The following FMO2 variants were observed in gnomAD, a reference collection of about 807,000 sequenced individuals.
The protein encoded by FMO2 is flavin containing dimethylaniline monoxygenase 2.
Under a neutral mutation model 41.6 loss-of-function variants are expected in FMO2, and 33 were observed. The ratio of observed to expected loss-of-function variants is 0.79; its 90% confidence interval spans 0.60 to 1.06. The LOEUF is 1.06. Among genes scored for constraint, FMO2 ranks in the 50% least tolerant of loss-of-function variants. The pLI, the probability that FMO2 is intolerant of heterozygous loss-of-function variation, is 0.00. For synonymous variants in FMO2, 214 were observed against 219.6 expected (o/e 0.97, Z 0.23); for missense variants, 619 against 632.9 (o/e 0.98, Z 0.23).
At position 171,189,659 on chromosome 1, in the gene FMO2, C is replaced by CTTTTTTT. The variant is rs397827245; in HGVS notation, c.133-3665_133-3659dup. ...AATCTGAGCCCGTCTTTTTTCTTTT[C>CTTTTTTT]TTTTTTTTTTTTTTTTTGAGATGGA... On this transcript the variant is annotated intron_variant, in intron 2 of 8. Coordinates refer to ENST00000209929, the MANE Select transcript of FMO2 (RefSeq NM_001460.5). Among the ~76,000 whole-genome samples, 32 of 121,474 alleles carry CTTTTTTT rather than the reference C, an allele frequency of 2.6e-4. 1 individual carries two copies. Among genetic ancestry groups the CTTTTTTT allele is most frequent in the Non-Finnish European group, 3.8e-4 (22 of 57,906 alleles). 79.7% of individuals were successfully genotyped at this position (121,474 alleles called of 152,430 possible). A position where few individuals can be genotyped will look rare whatever the true frequency, so the allele number is the denominator to read the frequency against.
intron 2 of FMO2, among the ~76,000 whole-genome samples, chr1:171,192,962 G>T (rs1278103397): frequency 6.6e-6 from 1 of 152,080 alleles, no homozygotes; most frequent in Non-Finnish European, 1.5e-5. Context: ...TTCTAAAGAG[G>T]TAGTGGGTAT....
At position 171,209,305 on chromosome 1, in the gene FMO2, G is replaced by T; in HGVS notation, c.*160G>T. ...AATTGTAAAGAATTAGCAGAATTAG[G>T]CATATGTACAAAACCAAAATTTTGT... On this transcript the variant is annotated 3_prime_UTR_variant, in exon 9 of 9. Coordinates refer to ENST00000209929, the MANE Select transcript of FMO2 (RefSeq NM_001460.5). 2.5e-6 allele frequency: 1 copy of T among 396,114 alleles called. No homozygotes were observed. The highest frequency in any genetic ancestry group is 4.4e-6 in the Non-Finnish European group (1 of 225,172). 24.5% of individuals were successfully genotyped at this position (396,114 alleles called of 1,614,324 possible).
rs750939519 is a variant in FMO2 at position 171,193,388 on chromosome 1, C to G, written c.186C>G (p.Thr62=). 21 of 1,612,056 alleles carry G rather than the reference C, an allele frequency of 1.3e-5. No individual in the cohort carries two copies. The highest frequency in any genetic ancestry group is 1.6e-5 in the Non-Finnish European group (19 of 1,179,070). ...ASIYQSVVTN[T]SKEMSCFSDF... is the part of the protein sequence containing the mutation. ...TCTATCAATCTGTCGTTACCAACAC[C>G]AGCAAAGAAATGTCCTGTTTCAGTG... The change falls in exon 3 of 9, where the codon ACC becomes ACG. Residue 62 remains threonine (T), a synonymous_variant. Coordinates refer to ENST00000209929, the MANE Select transcript of FMO2 (RefSeq NM_001460.5).
At chr1:171,195,618 T>C (rs1002918070) in intron 3 of FMO2, among the ~76,000 whole-genome samples, 11 of 152,158 alleles carry the variant, frequency 7.2e-5, no homozygotes, top group Non-Finnish European at 1.5e-4. Flanking sequence ...AACCCAGCAG[T>C]TGGAAAAATA....
At chr1:171,201,408 A>G (rs575099038) in intron 5 of FMO2, among the ~76,000 whole-genome samples, 3 of 152,314 alleles carry the variant, frequency 2.0e-5, no homozygotes, top group East Asian at 3.9e-4. Flanking sequence ...TATAACTATG[A>G]TAAAACCTCT....
chr1:171,200,404 T>C (rs1377318472), intron 5 of FMO2, among the ~76,000 whole-genome samples: 1 of 152,120 alleles, frequency 6.6e-6, no homozygotes, highest in East Asian at 1.9e-4. Context: ...TTTCCCAAAG[T>C]ATTCCCTCTC....
chr1:171,189,659 C>CTTTTTTTTTTTTTTTTTTT (rs397827245), intron 2 of FMO2, among the ~76,000 whole-genome samples: 5 of 121,472 alleles, frequency 4.1e-5, no homozygotes, highest in South Asian at 5.6e-4. Flanking sequence ...TTTTTCTTTT[C>CTTTTTTTTTTTTTTTTTTT]TTTTTTTTTT....
chr1:171,190,212 T>C (rs1185553684), intron 2 of FMO2, among the ~76,000 whole-genome samples: 2 of 152,224 alleles, frequency 1.3e-5, no homozygotes, highest in African/African-American at 4.8e-5. Flanking sequence ...ACAACCTTTT[T>C]ATTGTCATGA....
chr1:171,207,980 T>A (rs2075989), intron 8 of FMO2, among the ~76,000 whole-genome samples, 190 bp downstream of exon 8: 1 of 152,120 alleles, frequency 6.6e-6, no homozygotes, highest in Non-Finnish European at 1.5e-5. Context: ...GCGATTCTTA[T>A]ACATACTAGG....
chr1:171,193,206 C>G, intron 2 of FMO2, 129 bp from the exon 3 acceptor site: 1 of 634,980 alleles, frequency 1.6e-6, no homozygotes, highest in Non-Finnish European at 2.7e-6. Flanking sequence ...CATTCATTAC[C>G]TAAACATTGT....
chr1:171,197,010 T>C (rs1658335817), intron 4 of FMO2, among the ~76,000 whole-genome samples, 199 bp downstream of exon 4: 1 of 152,208 alleles, frequency 6.6e-6, no homozygotes, highest in Admixed American at 6.5e-5. Flanking sequence ...CACATAGATC[T>C]CAGAGCCAAC....
At chr1:171,195,405 C>T (rs4916182) in intron 3 of FMO2, among the ~76,000 whole-genome samples, 78,326 of 152,018 alleles carry the variant, frequency 0.52, 21,387 homozygotes, top group African/African-American at 0.68. Flanking sequence ...TCTGACAAGC[C>T]TCCAAGTGAT....
At position 171,196,751 on chromosome 1, in the gene FMO2, G is replaced by A. The variant is rs200697365; in HGVS notation, c.424G>A (p.Ala142Thr). 3.9e-4 allele frequency: 635 copies of A among 1,613,630 alleles called. 4 individuals are homozygous for A. The South Asian group carries it at 5.5e-3, about 14-fold the overall frequency. Reference protein sequence around the residue: ...NGKEQSAVFDAVMVCSGHHIL... With the variant: ...NGKEQSAVFDTVMVCSGHHIL... The stretch of plus-strand genomic sequence containing the variant: ...CAAGGAGCAGAGTGCTGTCTTTGAC[G>A]CAGTTATGGTTTGCAGTGGCCACCA... Residue 142 changes from alanine to threonine, a missense_variant, in exon 4 of 9, where the codon GCA (alanine) becomes ACA (threonine). Ala to Thr is a moderately conservative substitution (Grantham distance 58). Coordinates refer to ENST00000209929, the MANE Select transcript of FMO2 (RefSeq NM_001460.5).
At chr1:171,193,778 T>C (rs1296813858) in intron 3 of FMO2, among the ~76,000 whole-genome samples, 2 of 122,676 alleles carry the variant, frequency 1.6e-5, no homozygotes, top group Non-Finnish European at 3.3e-5. Flanking sequence ...TGTCAAAACT[T>C]TTTTTTTTTT....
In FMO2 at chr1:171,196,950, A is replaced by G; in HGVS notation, c.484+139A>G. 4.4e-6 allele frequency: 3 copies of G among 676,638 alleles called. No individual in the cohort carries two copies. In the South Asian group the frequency reaches 6.0e-5, roughly 14 times the overall value. The allele number at this position is 676,638 out of a possible 1,614,324, so 41.9% of individuals were successfully genotyped here. A position where few individuals can be genotyped will look rare whatever the true frequency, so the allele number is the denominator to read the frequency against. ...AGATTGAGACAGAGCTAGAAAGATG[A>G]AAGACACCAAACATCATCTTTGTTT... On this transcript the variant is annotated intron_variant, in intron 4 of 8. Transcript: ENST00000209929.
chr1:171,193,415 C>G lies in FMO2; in HGVS notation c.213C>G (p.Asp71Glu), dbSNP rs1658166087. 6.2e-7 allele frequency: 1 copy of G among 1,611,674 alleles called. No individual in the cohort carries two copies. Among genetic ancestry groups the G allele is most frequent in the Admixed American group, 1.7e-5 (1 of 60,006 alleles). ...NTSKEMSCFS[D>E]FPMPEDFPNF... is the part of the protein sequence containing the mutation. ...GCAAAGAAATGTCCTGTTTCAGTGACTTTCCAATGCCTGAAGATTTTCCAA... is the reference window on the plus strand; with the variant it reads ...GCAAAGAAATGTCCTGTTTCAGTGAGTTTCCAATGCCTGAAGATTTTCCAA... The change falls in exon 3 of 9, where the codon GAC (aspartate) becomes GAG (glutamate). Residue 71 changes from aspartate to glutamate, a missense_variant. Physicochemically the swap from Asp to Glu is conservative, Grantham distance 45 (BLOSUM62 2). Coordinates refer to ENST00000209929, the MANE Select transcript of FMO2 (RefSeq NM_001460.5).
At position 171,211,138 on chromosome 1, in the gene FMO2, C is replaced by A. The variant is rs140167490; in HGVS notation, c.*1993C>A. 7.9e-5 allele frequency: 12 copies of A among 152,238 alleles called. No homozygotes were observed. Among genetic ancestry groups the A allele is most frequent in the African/African-American group, 2.6e-4 (11 of 41,552 alleles). 9.4% of individuals were successfully genotyped at this position (152,238 alleles called of 1,614,324 possible). ...TATTAATAATACTAATAAAATTTAT[C>A]AAGCCTTTATAGCAAGGGTCAGTGA... On this transcript the variant is annotated 3_prime_UTR_variant, in exon 9 of 9. Coordinates refer to ENST00000209929, the MANE Select transcript of FMO2 (RefSeq NM_001460.5).
chr1:171,185,436 AG>A (rs1657803493), intron 1 of FMO2, 77 bp downstream of exon 1: 1 of 252,910 alleles, frequency 4.0e-6, no homozygotes, highest in African/African-American at 2.2e-5. Flanking sequence ...TCACATCCCT[AG>A]TATGTTACTG....
At chr1:171,208,513 C>T (rs1391353674) in intron 8 of FMO2, among the ~76,000 whole-genome samples, 2 of 152,246 alleles carry the variant, frequency 1.3e-5, no homozygotes, top group East Asian at 3.9e-4. Context: ...CATGTACTTG[C>T]CTGGAGATTT....
Sources: gnomAD v4.1 joint callset for allele counts (sites outside exome capture counted in the v4.1 genomes callset) on GRCh38, gnomAD v4.1.1 for gene constraint, MANE v1.5 for transcripts, NCBI Gene and HGNC (gene_info 2026-07-23, HGNC 2026-07-21) for gene names.